PCDHGA4: variants seen among roughly 807,000 people sequenced by gnomAD.
The protein encoded by PCDHGA4 is protocadherin gamma subfamily A, 4, also known as protocadherin gamma-A4.
Under a neutral mutation model 54.6 loss-of-function variants are expected in PCDHGA4, and 38 were observed. The observed-to-expected ratio is 0.70, with a 90% CI of 0.54 to 0.91. The LOEUF (loss-of-function observed/expected upper bound fraction) is 0.91, where lower values mean the gene tolerates loss of function less well. PCDHGA4 is among the 40% of genes least tolerant of loss of function. The pLI is 0.00. For missense variants in PCDHGA4, 1,298 were observed against 1,220.9 expected (o/e 1.06, Z -0.94); for synonymous variants, 511 against 512.9 (o/e 1.00, Z 0.05).
intron 1 of PCDHGA4, chr5:141,360,512 T>C (rs551303336): frequency 1.2e-6 from 2 of 1,613,978 alleles, no homozygotes; most frequent in Non-Finnish European, 1.7e-6. Flanking sequence ...GTGCAGGATA[T>C]AAATGATAAT....
At chr5:141,430,781 C>T (rs559701152) in intron 1 of PCDHGA4, 6 of 1,510,922 alleles carry the variant, frequency 4.0e-6, no homozygotes, top group South Asian at 2.7e-5. Context: ...GCGACTGCAC[C>T]GGGACTACAA....
At chr5:141,364,988 C>A (rs1479313119) in intron 1 of PCDHGA4, 10 of 1,613,892 alleles carry the variant, frequency 6.2e-6, no homozygotes, top group East Asian at 4.5e-5. Context: ...TGGCGGAGAC[C>A]CGGTACTCTC....
At chr5:141,384,266 C>A in intron 1 of PCDHGA4, 1 of 1,613,876 alleles carries the variant, frequency 6.2e-7, no homozygotes, top group Non-Finnish European at 8.5e-7. Context: ...CCCCACTCAT[C>A]CTACTCAGTC....
At chr5:141,365,144 G>A (rs1763761233) in intron 1 of PCDHGA4, 1 of 1,613,746 alleles carries the variant, frequency 6.2e-7, no homozygotes, top group African/African-American at 1.3e-5. Context: ...TCCAGATGAG[G>A]GAATAAACGG....
intron 1 of PCDHGA4, chr5:141,410,274 A>G: frequency 4.3e-6 from 7 of 1,613,948 alleles, no homozygotes; most frequent in Non-Finnish European, 5.9e-6. Context: ...CTGCAGTTTT[A>G]CCTGGTGGTG....
At position 141,494,820 on chromosome 5, in the gene PCDHGA4, A is replaced by G; in HGVS notation, c.2528A>G (p.Asn843Ser). ...TTTTCTCCACAGCAAGCCCCGCCCA[A>G]CACGGACTGGCGTTTCTCTCAGGCC... ...GDPNLQQAPP[N>S]TDWRFSQAQR... Residue 843 changes from asparagine to serine, a missense_variant, in exon 2 of 4, where the codon AAC becomes AGC. By Grantham distance (46) the Asn-to-Ser change is conservative. Transcript: ENST00000571252. 1.2e-6 allele frequency: 2 copies of G among 1,613,988 alleles called. No individual in the cohort carries two copies. Among genetic ancestry groups the G allele is most frequent in the Middle Eastern group, 1.6e-4 (1 of 6,062 alleles).
At chr5:141,360,679 G>T in intron 1 of PCDHGA4, 1 of 1,613,988 alleles carries the variant, frequency 6.2e-7, no homozygotes, top group Non-Finnish European at 8.5e-7. Context: ...TGATCTCGCT[G>T]AGAAACAGAC....
chr5:141,490,906 G>C lies in PCDHGA4; in HGVS notation c.2515-3901G>C. On this transcript the variant is annotated intron_variant, in intron 1 of 3. Transcript: ENST00000571252. The surrounding 1 kb of genome is among the most constrained non-coding windows in gnomAD (Gnocchi z 5.4). ...CACATCTCTGCATGTGTTTGTCCTA[G>C]ACGAGAATGATAATGCCCCAGCTGT... The C allele has an allele frequency of 1.9e-6, 3 of 1,613,798 alleles. No individual in the cohort carries two copies. The highest frequency in any genetic ancestry group is 2.5e-6 in the Non-Finnish European group (3 of 1,179,808).
chr5:141,510,222 G>A (rs891688596), intron 3 of PCDHGA4, among the ~76,000 whole-genome samples: 3 of 151,498 alleles, frequency 2.0e-5, no homozygotes, highest in Admixed American at 6.6e-5. Context: ...GCAGTGAGCC[G>A]GGATCGCGCC....
intron 1 of PCDHGA4, chr5:141,370,893 C>A (rs116495533): frequency 6.2e-7 from 1 of 1,613,944 alleles, no homozygotes; most frequent in African/African-American, 1.3e-5. Flanking sequence ...TGTCAATTCG[C>A]TGCAGCAGTA....
chr5:141,497,829 C>T (rs754594104), intron 2 of PCDHGA4, among the ~76,000 whole-genome samples: 147 of 152,160 alleles, frequency 9.7e-4, no homozygotes, highest in Non-Finnish European at 1.8e-3. Flanking sequence ...TGTGATCGCC[C>T]CCGGCCACAA....
rs114740440 is a variant in PCDHGA4 at position 141,426,595 on chromosome 5, C to T, written c.2515-68212C>T. The T allele has an allele frequency of 4.0e-3, 1,518 of 375,912 alleles. 5 individuals carry two copies. Among genetic ancestry groups the T allele is most frequent in the Non-Finnish European group, 5.9e-3 (1,105 of 185,722 alleles). 23.3% of individuals were successfully genotyped at this position (375,912 alleles called of 1,614,324 possible). ...GTCTTCAAAATCCTCTGTGTCATAC[C>T]CTTAGAGATTGTAGCAGAGAATCCT... On this transcript the variant is annotated intron_variant, in intron 1 of 3. Coordinates refer to ENST00000571252, the MANE Select transcript of PCDHGA4 (RefSeq NM_018917.4).
intron 1 of PCDHGA4, among the ~76,000 whole-genome samples, chr5:141,484,072 G>A (rs2099591675): frequency 6.6e-6 from 1 of 152,258 alleles, no homozygotes; most frequent in Admixed American, 6.5e-5. Flanking sequence ...TGAAAAGCTT[G>A]CTCTTTTGAA....
At position 141,361,465 on chromosome 5, in the gene PCDHGA4, G is replaced by A. The variant is rs548966955; in HGVS notation, c.2514+3844G>A. ...CATAATTGTCACCCTGCACATCTCC[G>A]ACGTCAACGATAATGCCCCAGTTTT... On this transcript the variant is annotated intron_variant, in intron 1 of 3. Transcript: ENST00000571252. 2.4e-4 allele frequency: 384 copies of A among 1,613,986 alleles called. 5 individuals carry two copies. The East Asian group carries it at 8.3e-3, about 35-fold the overall frequency.
chr5:141,498,103 G>C (rs2099781622), intron 2 of PCDHGA4, among the ~76,000 whole-genome samples: 1 of 152,216 alleles, frequency 6.6e-6, no homozygotes. Context: ...GGTGGTGTGG[G>C]CGTATAATAG....
chr5:141,499,233 C>A (rs1047984757), intron 2 of PCDHGA4, among the ~76,000 whole-genome samples: 2 of 152,116 alleles, frequency 1.3e-5, no homozygotes, highest in Non-Finnish European at 2.9e-5. Context: ...CAGCTGTCCC[C>A]AGCCTCTGCA....
At chr5:141,391,287 A>G (rs1429932607) in intron 1 of PCDHGA4, 1 of 152,126 alleles carries the variant, frequency 6.6e-6, no homozygotes, top group Non-Finnish European at 1.5e-5. Flanking sequence ...TTGCTGAAAG[A>G]AGGAAACGTC....
At chr5:141,360,150 A>T in intron 1 of PCDHGA4, 1 of 1,602,638 alleles carries the variant, frequency 6.2e-7, no homozygotes, top group Admixed American at 1.7e-5. Flanking sequence ...AAGCGAGCTC[A>T]GGGAGGTGCG....
In PCDHGA4 at chr5:141,356,423, G is replaced by C. The variant is rs760964193; in HGVS notation, c.1316G>C (p.Arg439Thr). 20 of 1,606,564 alleles carry C rather than the reference G, an allele frequency of 1.2e-5. No individual in the cohort carries two copies. The Admixed American group carries it at 2.6e-4, about 21-fold the overall frequency. Residue 439 changes from arginine (R) to threonine (T), a missense_variant, in exon 1 of 4, where the codon AGA (arginine) becomes ACA (threonine). Transcript: ENST00000571252. ...AATTATTATCGGTTGTTGACACACA[G>C]AACACTGGACAGGGAAGAAGTCTCA... is the stretch of plus-strand genomic sequence containing the variant. The part of the protein sequence containing the change: ...YGNYYRLLTH[R>T]TLDREEVSEY...
Sources: gnomAD v4.1 joint callset for allele counts (sites outside exome capture counted in the v4.1 genomes callset) on GRCh38, gnomAD v4.1.1 for gene constraint, Gnocchi (gnomAD v3.1) non-coding constraint, MANE v1.5 for transcripts, NCBI Gene and HGNC (gene_info 2026-07-23, HGNC 2026-07-21) for gene names.